The following SLC5A8 variants were observed in gnomAD, a reference collection of about 807,000 sequenced individuals.
SLC5A8 encodes sodium-coupled monocarboxylate transporter 1.
SLC5A8 carries 55 observed loss-of-function variants against 71.9 expected under a neutral mutation model. The observed-to-expected ratio is 0.77, with a 90% CI of 0.62 to 0.96. SLC5A8 has a LOEUF of 0.96. Among genes scored for constraint, SLC5A8 ranks in the 40% least tolerant of loss-of-function variants. The pLI, the probability that SLC5A8 is intolerant of heterozygous loss-of-function variation, is 0.00. For missense variants in SLC5A8, 701 were observed against 745.3 expected, an observed-to-expected ratio of 0.94 and a Z score of 0.69; for synonymous variants, 307 against 276.1, an observed-to-expected ratio of 1.11 and a Z score of -1.11.
At chr12:101,189,872 G>C (rs1868820777) in intron 6 of SLC5A8, among the ~76,000 whole-genome samples, 1 of 152,170 alleles carries the variant, frequency 6.6e-6, no homozygotes, top group Non-Finnish European at 1.5e-5. Flanking sequence ...CCTTTACCAT[G>C]CGTATGCCAA....
intron 7 of SLC5A8, among the ~76,000 whole-genome samples, chr12:101,185,827 C>G (rs956146739): frequency 1.3e-5 from 2 of 152,182 alleles, no homozygotes; most frequent in Non-Finnish European, 2.9e-5. Context: ...ATTTGCCTGC[C>G]TCAGCCTTCC....
rs1869840286 is a variant in SLC5A8 at position 101,209,708 on chromosome 12, C to T, written c.141G>A (p.Met47Ile). The change falls in exon 1 of 15, where the codon ATG becomes ATA. Residue 47 changes from methionine to isoleucine, a missense_variant. Physicochemically the swap from Met to Ile is conservative, Grantham distance 10 (BLOSUM62 1). Transcript: ENST00000536262. ...GCACTGCGGTCATTCTGCGGCCGCC[C>T]ATCAGGAAGTCCTTGGAGGTCTGCT... ...GGQQTSKDFL[M>I]GGRRMTAVPV... The T allele has an allele frequency of 3.1e-6, 5 of 1,613,380 alleles. No individual in the cohort carries two copies. Among genetic ancestry groups the T allele is most frequent in the Non-Finnish European group, 4.2e-6 (5 of 1,180,018 alleles).
Position 101,184,302 on chromosome 12 carries a change from G to T in SLC5A8, c.964-80C>A, listed in dbSNP as rs1221125973. 5.1e-6 allele frequency: 6 copies of T among 1,182,376 alleles called. No homozygotes were observed. The South Asian group carries it at 5.3e-5, about 10-fold the overall frequency. 73.2% of individuals were successfully genotyped at this position (1,182,376 alleles called of 1,614,324 possible). On this transcript the variant is annotated intron_variant, in intron 7 of 14. Coordinates refer to ENST00000536262, the MANE Select transcript of SLC5A8 (RefSeq NM_145913.5). ...GAATGCCTAGTTTATCATTTGTCTT[G>T]TCTCCTTCGGGAACTGAAAGGAGTT...
At chr12:101,192,886 G>C (rs996115228) in intron 5 of SLC5A8, among the ~76,000 whole-genome samples, 1 of 150,516 alleles carries the variant, frequency 6.6e-6, no homozygotes, top group African/African-American at 2.5e-5. Flanking sequence ...CTGTCTTTCA[G>C]TGTCTGTCTC....
chr12:101,169,700 C>T (rs1265669227), intron 10 of SLC5A8, among the ~76,000 whole-genome samples: 2 of 152,114 alleles, frequency 1.3e-5, no homozygotes, highest in African/African-American at 4.8e-5. Flanking sequence ...CACTTGGGGT[C>T]ATCAGATAAT....
At chr12:101,185,880 G>C (rs921350954) in intron 7 of SLC5A8, among the ~76,000 whole-genome samples, 1 of 152,104 alleles carries the variant, frequency 6.6e-6, no homozygotes, top group Non-Finnish European at 1.5e-5. Context: ...GACTGAGCGA[G>C]GATAAGGTTT....
intron 10 of SLC5A8, among the ~76,000 whole-genome samples, chr12:101,170,148 G>A (rs1309416200): frequency 6.6e-6 from 1 of 152,188 alleles, no homozygotes; most frequent in South Asian, 2.1e-4. Context: ...GGTTCAGGAA[G>A]AAGACACTGT....
rs185071406 is a variant in SLC5A8, at chr12:101,164,812, T to C, written c.1526+1682A>G. ...CCACAATGCATGTTTTAATTTATTTTCTTGTCCAATTTCCCTTCTGGTCAT... is the reference window on the plus strand; with the variant it reads ...CCACAATGCATGTTTTAATTTATTTCCTTGTCCAATTTCCCTTCTGGTCAT... On this transcript the variant is annotated intron_variant, in intron 12 of 14. Transcript: ENST00000536262. 2.5e-4 allele frequency among the ~76,000 whole-genome samples: 38 copies of C among 152,330 alleles called. 1 individual carries two copies. In the South Asian group the frequency reaches 5.8e-3, roughly 23 times the overall value.
At chr12:101,198,342 G>A (rs1361604280) in intron 3 of SLC5A8, among the ~76,000 whole-genome samples, 1 of 151,682 alleles carries the variant, frequency 6.6e-6, no homozygotes, top group East Asian at 1.9e-4. Flanking sequence ...AAATCAATGA[G>A]CCAAAACACT....
chr12:101,195,300 C>T (rs1869122310), intron 3 of SLC5A8, 138 bp from the exon 4 acceptor site: 1 of 784,174 alleles, frequency 1.3e-6, no homozygotes, highest in Admixed American at 2.7e-5. Flanking sequence ...CTAAAACTAG[C>T]TCCAAATCTC....
chr12:101,192,971 C>CT (rs35246165), intron 5 of SLC5A8, among the ~76,000 whole-genome samples: 25,922 of 125,770 alleles, frequency 0.21, 2,985 homozygotes, highest in African/African-American at 0.27. Context: ...TACCTTTTCT[C>CT]TTTTTTTTTT....
intron 13 of SLC5A8, among the ~76,000 whole-genome samples, chr12:101,161,367 C>T (rs1231900770): frequency 3.9e-5 from 6 of 151,980 alleles, no homozygotes; most frequent in Admixed American, 1.3e-4. Context: ...AGAATGAGGA[C>T]AAAATGGAGT....
chr12:101,209,884 G>C lies in SLC5A8; in HGVS notation c.-36C>G. ...TCGCCTGAGCCCTGCGCGCAAACTG[G>C]TGGCCCCGCGGCGCGCAGCCGGAGC... is the stretch of plus-strand genomic sequence containing the variant. On this transcript the variant is annotated 5_prime_UTR_variant, in exon 1 of 15. Transcript: ENST00000536262. 1 of 1,476,124 alleles carries C rather than the reference G, an allele frequency of 6.8e-7. No individual in the cohort carries two copies. The highest frequency in any genetic ancestry group is 1.4e-5 in the South Asian group (1 of 72,134). The allele number at this position is 1,476,124 out of a possible 1,614,324, so 91.4% of individuals were successfully genotyped here.
At chr12:101,190,064 T>C (rs1416336464) in intron 6 of SLC5A8, among the ~76,000 whole-genome samples, 2 of 152,230 alleles carry the variant, frequency 1.3e-5, no homozygotes, top group African/African-American at 4.8e-5. Context: ...GCACTATATG[T>C]ACTCTGGAAC....
At chr12:101,177,401 A>G (rs1289276405) in intron 10 of SLC5A8, among the ~76,000 whole-genome samples, 1 of 151,386 alleles carries the variant, frequency 6.6e-6, no homozygotes, top group Non-Finnish European at 1.5e-5. Context: ...AATTTATTTT[A>G]TGAAGCTAGT....
rs1206590704 is a variant in SLC5A8 at position 101,190,734 on chromosome 12, A to T, written c.693-126T>A. The T allele has an allele frequency of 1.1e-5, 7 of 642,466 alleles. No homozygotes were observed. The Admixed American group carries it at 2.1e-4, about 20-fold the overall frequency. 39.8% of individuals were successfully genotyped at this position (642,466 alleles called of 1,614,324 possible). ...ACAACACATACATAAATATGTAAAAATTTATTAATTAATTTAAAAGGTAGA... is the reference window on the plus strand; with the variant it reads ...ACAACACATACATAAATATGTAAAATTTTATTAATTAATTTAAAAGGTAGA... On this transcript the variant is annotated intron_variant, in intron 5 of 14. Transcript: ENST00000536262.
intron 3 of SLC5A8, among the ~76,000 whole-genome samples, chr12:101,196,205 C>G (rs768043099): frequency 1.3e-5 from 2 of 152,142 alleles, no homozygotes; most frequent in Non-Finnish European, 2.9e-5. Flanking sequence ...TTGTTCTCCT[C>G]TGTGTGTCCA....
At chr12:101,194,438 C>T (rs1247777088) in intron 4 of SLC5A8, among the ~76,000 whole-genome samples, 4 of 152,120 alleles carry the variant, frequency 2.6e-5, no homozygotes, top group African/African-American at 9.7e-5. Context: ...ATTTTGTCAC[C>T]CCTACCTATA....
intron 13 of SLC5A8, 130 bp downstream of exon 13, chr12:101,161,844 G>A: frequency 2.8e-6 from 2 of 710,376 alleles, no homozygotes; most frequent in Non-Finnish European, 4.7e-6. Flanking sequence ...TTTCCCATGA[G>A]TAAAACAGAA....
Sources: allele counts gnomAD v4.1 joint callset (sites outside exome capture counted in the v4.1 genomes callset), GRCh38; gene constraint gnomAD v4.1.1; transcripts MANE v1.5; gene names NCBI Gene and HGNC (gene_info 2026-07-23, HGNC 2026-07-21).